SDK1: variants seen among roughly 807,000 people sequenced by gnomAD.
The protein encoded by SDK1 is protein sidekick-1.
Under a neutral mutation model 245.5 loss-of-function variants are expected in SDK1, and 157 were observed. The observed-to-expected ratio is 0.64, with a 90% CI of 0.56 to 0.73. SDK1 has a LOEUF of 0.73. Among genes scored for constraint, SDK1 ranks in the 30% least tolerant of loss-of-function variants. SDK1 has a pLI of 0.00. For missense variants in SDK1, 3,583 were observed against 3,002.3 expected, an observed-to-expected ratio of 1.19 and a Z score of -4.52; for synonymous variants, 1,647 against 1,278.5, an observed-to-expected ratio of 1.29 and a Z score of -6.15.
chr7:3,858,580 C>A (rs6948552), intron 5 of SDK1, among the ~76,000 whole-genome samples: 2 of 151,634 alleles, frequency 1.3e-5, no homozygotes, highest in Non-Finnish European at 2.9e-5. Context: ...TCGTCTATGT[C>A]TGCTTTGTGT....
chr7:4,091,591 C>T (rs1318556256), intron 22 of SDK1, among the ~76,000 whole-genome samples: 1 of 152,066 alleles, frequency 6.6e-6, no homozygotes, highest in Non-Finnish European at 1.5e-5. Context: ...GATCCACCCA[C>T]CTCAGCCTCC....
At chr7:3,436,560 G>A (rs1235682117) in intron 1 of SDK1, among the ~76,000 whole-genome samples, 2 of 152,058 alleles carry the variant, frequency 1.3e-5, no homozygotes, top group South Asian at 2.1e-4. Flanking sequence ...GGCAACTGAG[G>A]TGATAAAAAA....
intron 1 of SDK1, among the ~76,000 whole-genome samples, chr7:3,466,760 A>G (rs937706469): frequency 9.2e-5 from 14 of 151,920 alleles, no homozygotes; most frequent in Middle Eastern, 3.4e-3. Flanking sequence ...TATGCAAAGT[A>G]TCTCCCCCCA....
chr7:3,310,104 C>G (rs557907815), intron 1 of SDK1, among the ~76,000 whole-genome samples: 214 of 152,328 alleles, frequency 1.4e-3, no homozygotes, highest in African/African-American at 5.1e-3. Context: ...CATCATCTCT[C>G]AGTTTGCTTC....
intron 4 of SDK1, among the ~76,000 whole-genome samples, chr7:3,683,216 C>G (rs1418001092): frequency 2.0e-5 from 3 of 152,096 alleles, no homozygotes; most frequent in Non-Finnish European, 4.4e-5. Context: ...GAGTGTATAG[C>G]TTTGTATCTG....
At chr7:4,043,569 A>T (rs1453503354) in intron 17 of SDK1, among the ~76,000 whole-genome samples, 1 of 152,228 alleles carries the variant, frequency 6.6e-6, no homozygotes, top group Non-Finnish European at 1.5e-5. Flanking sequence ...GGGTGAACTC[A>T]GGAATTTGTT....
chr7:3,812,319 G>A (rs183454072), intron 4 of SDK1, among the ~76,000 whole-genome samples: 1 of 152,228 alleles, frequency 6.6e-6, no homozygotes, highest in East Asian at 1.9e-4. Flanking sequence ...ACACTGTTTG[G>A]CTCTGTGATT....
chr7:3,393,227 C>T (rs2128570943), intron 1 of SDK1, among the ~76,000 whole-genome samples: 1 of 152,156 alleles, frequency 6.6e-6, no homozygotes, highest in Non-Finnish European at 1.5e-5. Flanking sequence ...CTACCTCAGC[C>T]TCCCACAGTG....
At chr7:3,672,796 A>ATATATACAT (rs1554307151) in intron 4 of SDK1, among the ~76,000 whole-genome samples, 4 of 53,416 alleles carry the variant, frequency 7.5e-5, no homozygotes, top group Non-Finnish European at 1.0e-4. Flanking sequence ...TATATATATA[A>ATATATACAT]AAAATACAGA....
intron 4 of SDK1, among the ~76,000 whole-genome samples, chr7:3,773,455 A>G (rs1484892117): frequency 1.3e-5 from 2 of 151,926 alleles, no homozygotes; most frequent in Admixed American, 6.6e-5. Flanking sequence ...GGCTTTCTCC[A>G]CATCTGCCTT....
chr7:3,791,125 G>C (rs1233864260), intron 4 of SDK1, among the ~76,000 whole-genome samples: 2 of 151,666 alleles, frequency 1.3e-5, no homozygotes, highest in African/African-American at 4.8e-5. Flanking sequence ...ACAGTGACTG[G>C]TATGTAGTAA....
chr7:3,823,335 C>T (rs984999138), intron 5 of SDK1, among the ~76,000 whole-genome samples: 21 of 152,062 alleles, frequency 1.4e-4, no homozygotes, highest in African/African-American at 4.6e-4. Flanking sequence ...AATATAACTA[C>T]CAGGATAATA....
At chr7:4,141,060 G>T (rs1022854507) in intron 28 of SDK1, among the ~76,000 whole-genome samples, 1 of 152,210 alleles carries the variant, frequency 6.6e-6, no homozygotes, top group African/African-American at 2.4e-5. Context: ...GTCTAGTCAG[G>T]AGCTTCTGAG....
chr7:3,507,754 G>A (rs907979322), intron 1 of SDK1, among the ~76,000 whole-genome samples: 1 of 151,996 alleles, frequency 6.6e-6, no homozygotes, highest in Admixed American at 6.6e-5. Context: ...CTTCAGTGCG[G>A]GACTCCCTCC....
chr7:3,683,698 T>G (rs1392377778), intron 4 of SDK1, among the ~76,000 whole-genome samples: 1 of 152,202 alleles, frequency 6.6e-6, no homozygotes, highest in African/African-American at 2.4e-5. Context: ...CCTGGGGACC[T>G]TGGGACTTGA....
At position 3,962,857 on chromosome 7, in the gene SDK1, T is replaced by C; in HGVS notation, c.1429+6T>C. On this transcript the variant is annotated splice_donor_region_variant and intron_variant, in intron 9 of 44. Coordinates refer to ENST00000404826, the MANE Select transcript of SDK1 (RefSeq NM_152744.4). ...CACCTACCTGGATGTAACCAGTGAG[T>C]ACACCCAGGCCCACAGCTACCTGAC... The C allele has an allele frequency of 6.2e-7, 1 of 1,607,554 alleles. No individual in the cohort carries two copies. The highest frequency in any genetic ancestry group is 8.5e-7 in the Non-Finnish European group (1 of 1,176,890).
intron 7 of SDK1, chr7:3,958,024 CTT>C (rs1412395668): frequency 6.4e-6 from 3 of 470,620 alleles, no homozygotes; most frequent in Non-Finnish European, 1.3e-5. Context: ...TTTCATTTCT[CTT>C]TTTCATCTTT....
chr7:3,748,546 G>C (rs890843724), intron 4 of SDK1, among the ~76,000 whole-genome samples: 2 of 152,190 alleles, frequency 1.3e-5, no homozygotes, highest in Admixed American at 1.3e-4. Flanking sequence ...TTAAGGTTCA[G>C]AGTTTTTGTT....
intron 1 of SDK1, among the ~76,000 whole-genome samples, chr7:3,526,587 C>T (rs1412949446): frequency 6.6e-6 from 1 of 152,046 alleles, no homozygotes; most frequent in East Asian, 1.9e-4. Flanking sequence ...TGTTTTTTCT[C>T]CATCACTTTG....
Sources: gnomAD v4.1 joint callset for allele counts (sites outside exome capture counted in the v4.1 genomes callset) on GRCh38, gnomAD v4.1.1 for gene constraint, MANE v1.5 for transcripts, NCBI Gene and HGNC (gene_info 2026-07-23, HGNC 2026-07-21) for gene names.